Variants in TXNDC16 observed in about 807,000 individuals in gnomAD.
The protein encoded by TXNDC16 is thioredoxin domain-containing protein 16.
Under a neutral mutation model 85.6 loss-of-function variants are expected in TXNDC16, and 74 were observed. That is an observed-to-expected ratio of 0.86 (90% CI 0.72 to 1.05). TXNDC16 has a LOEUF of 1.05. Among genes scored for constraint, TXNDC16 ranks in the 50% least tolerant of loss-of-function variants. The pLI is 0.00. For missense variants in TXNDC16, 959 were observed against 947.0 expected (o/e 1.01, Z -0.17); for synonymous variants, 335 against 326.5 (o/e 1.03, Z -0.28).
chr14:52,490,905 T>A lies in TXNDC16; in HGVS notation c.857A>T (p.Asp286Val), dbSNP rs775846795. Residue 286 changes from aspartate (D) to valine (V), a missense_variant, in exon 10 of 21, where the codon GAT (aspartate) becomes GTT (valine). By Grantham distance (152) the Asp-to-Val change is radical. Transcript: ENST00000281741. The stretch of plus-strand genomic sequence containing the variant: ...AGCAACCCATTCTGCAGTTCTTCTA[T>A]CAGCTTCATAAGTAGCCTGTTGGCT... ...IVSQQATYEADRRTAEWVAWR... is the reference protein window; with the variant it reads ...IVSQQATYEAVRRTAEWVAWR... 4.3e-6 allele frequency: 7 copies of A among 1,613,524 alleles called. No individual in the cohort carries two copies. The East Asian group carries it at 8.9e-5, about 21-fold the overall frequency.
At chr14:52,466,592 C>T (rs1413730034) in intron 16 of TXNDC16, among the ~76,000 whole-genome samples, 1 of 151,758 alleles carries the variant, frequency 6.6e-6, no homozygotes, top group Admixed American at 6.6e-5. Context: ...AATGGCCAGG[C>T]GCGGTGGCTC....
At chr14:52,485,442 T>A (rs1436744519) in intron 12 of TXNDC16, among the ~76,000 whole-genome samples, 2 of 152,040 alleles carry the variant, frequency 1.3e-5, no homozygotes, top group East Asian at 1.9e-4. Context: ...TGAAAAAAAA[T>A]TTATAAATTT....
intron 16 of TXNDC16, among the ~76,000 whole-genome samples, chr14:52,460,377 T>C (rs2035625377): frequency 1.3e-5 from 2 of 152,186 alleles, no homozygotes; most frequent in African/African-American, 4.8e-5. Flanking sequence ...TTCAATGCTA[T>C]TCCTATCAAA....
At chr14:52,538,235 T>G (rs915210931) in intron 4 of TXNDC16, among the ~76,000 whole-genome samples, 1 of 152,138 alleles carries the variant, frequency 6.6e-6, no homozygotes, top group Non-Finnish European at 1.5e-5. Flanking sequence ...TCACTCCTTC[T>G]TGACCAAAAA....
At chr14:52,469,927 T>G in intron 16 of TXNDC16, 110 bp downstream of exon 16, 1 of 1,086,520 alleles carries the variant, frequency 9.2e-7, no homozygotes, top group Non-Finnish European at 1.3e-6. Context: ...TTCTTCAAAC[T>G]TCTCCATAAT....
intron 12 of TXNDC16, among the ~76,000 whole-genome samples, chr14:52,487,914 GT>G: frequency 6.6e-6 from 1 of 152,298 alleles, no homozygotes; most frequent in South Asian, 2.1e-4. Flanking sequence ...TTTAAACGAA[GT>G]GTTAAAATGT....
In TXNDC16 at chr14:52,543,531, T is replaced by C. The variant is rs2037879172; in HGVS notation, c.27A>G (p.Arg9=). The stretch of plus-strand genomic sequence containing the variant: ...ACATTATGACAAAAGAGATCCCAAC[T>C]CTAAAGACATTGAAGCCGGAAAACA... MFSGFNVF[R]VGISFVIMCI... Residue 9 remains arginine, a synonymous_variant, in exon 3 of 21, where the codon AGA becomes AGG. Transcript: ENST00000281741. 4 of 1,613,170 alleles carry C rather than the reference T, an allele frequency of 2.5e-6. No individual in the cohort carries two copies. In the East Asian group the frequency reaches 8.9e-5, roughly 36 times the overall value.
intron 1 of TXNDC16, among the ~76,000 whole-genome samples, chr14:52,547,787 T>C (rs897977848): frequency 6.6e-6 from 1 of 152,202 alleles, no homozygotes; most frequent in Non-Finnish European, 1.5e-5. Flanking sequence ...TCAGAGATCC[T>C]CAACTTTAGG....
chr14:52,493,193 C>CTATA lies in TXNDC16; in HGVS notation c.757-2192_757-2189dup, dbSNP rs555994196. On this transcript the variant is annotated intron_variant, in intron 9 of 20. Transcript: ENST00000281741. Reference sequence around the variant, plus strand: ...TAAAATGTGAACACATGTCACTGTTCTATATATATATATATATATATATAC... The same window carrying CTATA: ...TAAAATGTGAACACATGTCACTGTTCTATATATATATATATATATATATATATAC... Among the ~76,000 whole-genome samples the CTATA allele has an allele frequency of 8.7e-4, 110 of 126,198 alleles. 2 individuals are homozygous for CTATA. In the South Asian group the frequency reaches 8.7e-3, roughly 10 times the overall value. The allele number at this position is 126,198 out of a possible 152,430, so 82.8% of individuals were successfully genotyped here.
intron 7 of TXNDC16, among the ~76,000 whole-genome samples, chr14:52,516,837 C>A (rs1321815399): frequency 1.3e-5 from 2 of 152,152 alleles, no homozygotes; most frequent in Non-Finnish European, 2.9e-5. Flanking sequence ...GCCAGGATCA[C>A]TTCCCGTCAT....
At chr14:52,445,963 A>AT (rs944555670) in intron 18 of TXNDC16, among the ~76,000 whole-genome samples, 6 of 152,154 alleles carry the variant, frequency 3.9e-5, no homozygotes, top group African/African-American at 9.7e-5. Flanking sequence ...ATAAGACAAT[A>AT]TTTTTTTCTA....
At chr14:52,472,202 CTTTTGT>C (rs2140134033) in intron 14 of TXNDC16, among the ~76,000 whole-genome samples, 1 of 142,830 alleles carries the variant, frequency 7.0e-6, no homozygotes, top group South Asian at 2.2e-4. Context: ...TTTTTTTTTG[CTTTTGT>C]ATATTTGAGA....
chr14:52,450,351 A>C (rs1006884642), intron 18 of TXNDC16, among the ~76,000 whole-genome samples: 3 of 151,940 alleles, frequency 2.0e-5, no homozygotes, highest in African/African-American at 7.2e-5. Flanking sequence ...ACAAATTCTT[A>C]GACACATACA....
chr14:52,519,216 T>C lies in TXNDC16; in HGVS notation c.470A>G (p.Lys157Arg), dbSNP rs1295609922. Residue 157 changes from lysine (K) to arginine (R), a missense_variant, in exon 7 of 21, where the codon AAA (lysine) becomes AGA (arginine). Physicochemically the swap from Lys to Arg is conservative, Grantham distance 26 (BLOSUM62 2). Transcript: ENST00000281741. Reference sequence around the variant, plus strand: ...TACATATGAGAATATAATATTTGCTTTTCCTTTCAGAGCATTTTCTATGTT... The same window carrying C: ...TACATATGAGAATATAATATTTGCTCTTCCTTTCAGAGCATTTTCTATGTT... ...LQNIENALKG[K>R]ANIIFSYVRA... 6.2e-7 allele frequency: 1 copy of C among 1,611,810 alleles called. No homozygotes were observed. Among genetic ancestry groups the C allele is most frequent in the African/African-American group, 1.3e-5 (1 of 74,988 alleles).
intron 18 of TXNDC16, among the ~76,000 whole-genome samples, chr14:52,453,384 T>C (rs564886215): frequency 7.9e-5 from 12 of 152,340 alleles, no homozygotes; most frequent in African/African-American, 2.4e-4. Context: ...CGCAGATTTA[T>C]TGTAGCACTA....
At chr14:52,469,471 T>C (rs1166755996) in intron 16 of TXNDC16, among the ~76,000 whole-genome samples, 2 of 152,064 alleles carry the variant, frequency 1.3e-5, no homozygotes, top group Non-Finnish European at 2.9e-5. Flanking sequence ...AACAAGATTC[T>C]GGCTAGGTGC....
intron 14 of TXNDC16, among the ~76,000 whole-genome samples, chr14:52,474,388 A>G (rs1040916173): frequency 6.6e-6 from 1 of 152,242 alleles, no homozygotes; most frequent in African/African-American, 2.4e-5. Flanking sequence ...TTGTCCATAG[A>G]TTGCAACTTG....
At chr14:52,508,866 T>G (rs1360720963) in intron 9 of TXNDC16, among the ~76,000 whole-genome samples, 1 of 151,912 alleles carries the variant, frequency 6.6e-6, no homozygotes, top group African/African-American at 2.4e-5. Context: ...AAGAACACAT[T>G]GACACAAGAA....
At chr14:52,517,893 C>A (rs2037122043) in intron 7 of TXNDC16, among the ~76,000 whole-genome samples, 1 of 152,132 alleles carries the variant, frequency 6.6e-6, no homozygotes, top group Admixed American at 6.6e-5. Context: ...TGCTCTCTAC[C>A]TCTTCTGTCT....
Sources: allele counts gnomAD v4.1 joint callset (sites outside exome capture counted in the v4.1 genomes callset), GRCh38; gene constraint gnomAD v4.1.1; transcripts MANE v1.5; gene names NCBI Gene and HGNC (gene_info 2026-07-23, HGNC 2026-07-21).